The following KCNT2 variants were observed in gnomAD, a reference collection of about 807,000 sequenced individuals.
KCNT2 encodes potassium sodium-activated channel subfamily T member 2.
KCNT2 carries 67 observed loss-of-function variants against 153.8 expected under a neutral mutation model. The observed-to-expected ratio is 0.44, with a 90% CI of 0.36 to 0.53. KCNT2 has a LOEUF of 0.53. Among genes scored for constraint, KCNT2 ranks in the 20% least tolerant of loss-of-function variants. The probability of loss-of-function intolerance (pLI) is 0.00; values close to 1 mark genes in which losing one functional copy is unlikely to be tolerated. For synonymous variants in KCNT2, 500 were observed against 458.8 expected, an observed-to-expected ratio of 1.09 and a Z score of -1.15; for missense variants, 975 against 1,354.8, an observed-to-expected ratio of 0.72 and a Z score of 4.40.
intron 1 of KCNT2, among the ~76,000 whole-genome samples, chr1:196,556,078 GA>G (rs1416135854): frequency 2.0e-5 from 3 of 151,536 alleles, no homozygotes; most frequent in South Asian, 4.1e-4. Flanking sequence ...AAACTCTCCA[GA>G]ACATTGATCT....
intron 1 of KCNT2, among the ~76,000 whole-genome samples, chr1:196,496,581 T>G (rs1320737621): frequency 1.3e-5 from 2 of 152,136 alleles, no homozygotes; most frequent in East Asian, 3.9e-4. Flanking sequence ...AACTTCTAAA[T>G]AAAAACCAAA....
intron 21 of KCNT2, among the ~76,000 whole-genome samples, chr1:196,306,648 G>GGT (rs1213092880): frequency 1.3e-5 from 2 of 151,928 alleles, no homozygotes; most frequent in Non-Finnish European, 2.9e-5. Flanking sequence ...CTGCCTCTCA[G>GGT]GTGTGTTTAC....
intron 26 of KCNT2, among the ~76,000 whole-genome samples, chr1:196,239,982 C>T (rs146581905): frequency 2.6e-4 from 40 of 152,094 alleles, no homozygotes; most frequent in African/African-American, 9.4e-4. Context: ...ACATGAGAGG[C>T]CTCAGAAGAA....
rs1375943541 is a variant in KCNT2 at position 196,465,286 on chromosome 1, A to G, written c.638+7T>C. 2 of 1,425,580 alleles carry G rather than the reference A, an allele frequency of 1.4e-6. No individual in the cohort carries two copies. Among genetic ancestry groups the G allele is most frequent in the African/African-American group, 1.4e-5 (1 of 70,948 alleles). The allele number at this position is 1,425,580 out of a possible 1,614,324, so 88.3% of individuals were successfully genotyped here. ...CATAACACAAATTCTGATATGTACA[A>G]TCTTACCAGGTGAAGATAAGGCATA... On this transcript the variant is annotated splice_region_variant and intron_variant, in intron 8 of 27. Coordinates refer to ENST00000294725, the MANE Select transcript of KCNT2 (RefSeq NM_198503.5).
At chr1:196,386,380 C>A (rs542159067) in intron 13 of KCNT2, among the ~76,000 whole-genome samples, 1 of 152,212 alleles carries the variant, frequency 6.6e-6, no homozygotes, top group Admixed American at 6.5e-5. Context: ...CAATATGTAA[C>A]TAATATACTA....
In KCNT2 at chr1:196,583,386, T is replaced by C. The variant is rs563223715; in HGVS notation, c.95+24829A>G. Among the ~76,000 whole-genome samples, 28 of 152,196 alleles carry C rather than the reference T, an allele frequency of 1.8e-4. No individual in the cohort carries two copies. The South Asian group carries it at 5.6e-3, about 30-fold the overall frequency. ...CAAAATTAATTTTGGACACTGTGGA[T>C]TGAAATGTCTGCTGAACATGAAAAG... On this transcript the variant is annotated intron_variant, in intron 1 of 27. Coordinates refer to ENST00000294725, the MANE Select transcript of KCNT2 (RefSeq NM_198503.5).
chr1:196,497,825 T>C (rs1272326932), intron 1 of KCNT2, among the ~76,000 whole-genome samples: 1 of 152,194 alleles, frequency 6.6e-6, no homozygotes, highest in Non-Finnish European at 1.5e-5. Flanking sequence ...AAGTTGTCTT[T>C]GTGACGGTAA....
At chr1:196,436,550 C>T (rs534653654) in intron 8 of KCNT2, among the ~76,000 whole-genome samples, 2 of 151,404 alleles carry the variant, frequency 1.3e-5, no homozygotes, top group African/African-American at 2.4e-5. Flanking sequence ...AAACATGCTA[C>T]GTAAAGATTT....
Position 196,465,376 on chromosome 1 carries a change from G to A in KCNT2, c.555C>T (p.His185=). The A allele has an allele frequency of 3.1e-6, 5 of 1,597,264 alleles. No homozygotes were observed. The highest frequency in any genetic ancestry group is 4.3e-6 in the Non-Finnish European group (5 of 1,165,868). ...HALENMINDL[H]RAIQRTQSAM... Reference sequence around the variant, plus strand: ...CAGACTGTGTACGCTGAATGGCTCTGTGTAGATCATTCTAAAATAATACAG... The same window carrying A: ...CAGACTGTGTACGCTGAATGGCTCTATGTAGATCATTCTAAAATAATACAG... The change falls in exon 8 of 28, where the codon CAC becomes CAT. Residue 185 remains histidine, a synonymous_variant. Coordinates refer to ENST00000294725, the MANE Select transcript of KCNT2 (RefSeq NM_198503.5).
chr1:196,552,555 T>C (rs1325255056), intron 1 of KCNT2, among the ~76,000 whole-genome samples: 1 of 151,394 alleles, frequency 6.6e-6, no homozygotes, highest in Non-Finnish European at 1.5e-5. Context: ...AGGATGTTAA[T>C]AAGCAAGAAA....
chr1:196,373,105 T>G (rs1558209828), intron 14 of KCNT2, 35 bp downstream of exon 14: 1 of 994,568 alleles, frequency 1.0e-6, no homozygotes, highest in Admixed American at 1.9e-5. Context: ...TTTTATATAA[T>G]TTAAAAGGTT....
chr1:196,294,523 C>T (rs1442946324), intron 22 of KCNT2, among the ~76,000 whole-genome samples: 1 of 152,136 alleles, frequency 6.6e-6, no homozygotes, highest in Non-Finnish European at 1.5e-5. Flanking sequence ...ATCCACCCGC[C>T]TTGGCCTCTC....
chr1:196,435,133 GTGTA>G lies in KCNT2; in HGVS notation c.639-5380_639-5377del, dbSNP rs1248809574. ...TAGCAATAGATACTTATGTGTGTGT[GTGTA>G]TGTATATATATATATATATATATAT... On this transcript the variant is annotated intron_variant, in intron 8 of 27. Coordinates refer to ENST00000294725, the MANE Select transcript of KCNT2 (RefSeq NM_198503.5). Among the ~76,000 whole-genome samples, 229 of 87,848 alleles carry G rather than the reference GTGTA, an allele frequency of 2.6e-3. 5 individuals are homozygous for G. The highest frequency in any genetic ancestry group is 8.5e-3 in the African/African-American group (207 of 24,346). The allele number at this position is 87,848 out of a possible 152,430, so 57.6% of individuals were successfully genotyped here.
intron 1 of KCNT2, among the ~76,000 whole-genome samples, chr1:196,547,732 G>A (rs1657297878): frequency 6.6e-6 from 1 of 151,520 alleles, no homozygotes; most frequent in South Asian, 2.1e-4. Flanking sequence ...ATATTTTTGA[G>A]TGAGTTTCCT....
intron 8 of KCNT2, among the ~76,000 whole-genome samples, chr1:196,453,843 T>C (rs958355683): frequency 6.6e-6 from 1 of 151,968 alleles, no homozygotes; most frequent in African/African-American, 2.4e-5. Context: ...AAATGTAATA[T>C]AAGCTATCTG....
rs1655575932 is a variant in KCNT2 at position 196,247,679 on chromosome 1, T to C, written c.3211+10515A>G. On this transcript the variant is annotated intron_variant, in intron 26 of 27. Transcript: ENST00000294725. ...TAAAACCATCAGATCTTGTGAGAAC[T>C]CACTATTATAAGAACAGCATAGAAG... Among the ~76,000 whole-genome samples the C allele has an allele frequency of 5.3e-5, 8 of 152,220 alleles. No individual in the cohort carries two copies. In the South Asian group the frequency reaches 1.7e-3, roughly 32 times the overall value.
At chr1:196,273,279 G>T (rs1025165376) in intron 25 of KCNT2, among the ~76,000 whole-genome samples, 17 of 151,790 alleles carry the variant, frequency 1.1e-4, no homozygotes, top group Non-Finnish European at 2.2e-4. Flanking sequence ...CAAATTCCAG[G>T]AAATTTACTG....
At chr1:196,412,631 A>G (rs1346184545) in intron 12 of KCNT2, among the ~76,000 whole-genome samples, 1 of 151,598 alleles carries the variant, frequency 6.6e-6, no homozygotes, top group African/African-American at 2.4e-5. Context: ...AACAGTTAGC[A>G]GCCCCCTACC....
chr1:196,425,967 A>G lies in KCNT2; in HGVS notation c.1006T>C (p.Cys336Arg). 5 of 1,612,224 alleles carry G rather than the reference A, an allele frequency of 3.1e-6. No individual in the cohort carries two copies. The highest frequency in any genetic ancestry group is 4.2e-6 in the Non-Finnish European group (5 of 1,178,814). ...ACCTGTACATCCATTTCAGTAGGAC[A>G]CAAAATCACCACATAATAATCCTAT... ...RLQDYYVVIL[C>R]PTEMDVQVRR... Residue 336 changes from cysteine (C) to arginine (R), a missense_variant, in exon 11 of 28, where the codon TGT becomes CGT. Transcript: ENST00000294725.
Sources: gnomAD v4.1 joint callset for allele counts (sites outside exome capture counted in the v4.1 genomes callset) on GRCh38, gnomAD v4.1.1 for gene constraint, MANE v1.5 for transcripts, NCBI Gene and HGNC (gene_info 2026-07-23, HGNC 2026-07-21) for gene names.